BLOC1S6: variants seen among roughly 807,000 people sequenced by gnomAD.
The protein encoded by BLOC1S6 is biogenesis of lysosomal organelles complex 1 subunit 6, also known as biogenesis of lysosome-related organelles complex 1 subunit 6.
A neutral mutation model predicts 24.7 loss-of-function variants in BLOC1S6; 24 were observed. That is an observed-to-expected ratio of 0.97 (90% confidence interval 0.70 to 1.37). BLOC1S6 has a LOEUF of 1.37. BLOC1S6 is among the 40% of genes most tolerant of loss of function. The pLI, the probability that BLOC1S6 is intolerant of heterozygous loss-of-function variation, is 0.00. For synonymous variants in BLOC1S6, 76 were observed against 72.6 expected (o/e 1.05, Z -0.23); for missense variants, 175 against 196.2 (o/e 0.89, Z 0.64).
At chr15:45,605,745 AC>A (rs1894431167) in intron 4 of BLOC1S6, 1 of 430,712 alleles carries the variant, frequency 2.3e-6, no homozygotes, top group Non-Finnish European at 4.3e-6. Context: ...GCCCGCCACC[AC>A]ACCCACCTAA....
intron 1 of BLOC1S6, chr15:45,587,946 T>C: frequency 1.7e-6 from 1 of 589,994 alleles, no homozygotes. Context: ...TTCATCCCTA[T>C]TCCTGCAGCA....
chr15:45,594,170 G>T (rs912272357), intron 2 of BLOC1S6, among the ~76,000 whole-genome samples: 2 of 152,052 alleles, frequency 1.3e-5, no homozygotes, highest in South Asian at 2.1e-4. Context: ...ATAGAAACAG[G>T]TCCACAGAGA....
At chr15:45,591,051 C>T (rs1893864498) in intron 1 of BLOC1S6, among the ~76,000 whole-genome samples, 1 of 152,112 alleles carries the variant, frequency 6.6e-6, no homozygotes, top group Non-Finnish European at 1.5e-5. Flanking sequence ...ACAATGCTTA[C>T]ACTTTTATTA....
At chr15:45,590,108 T>C (rs1316991759) in intron 1 of BLOC1S6, among the ~76,000 whole-genome samples, 2 of 152,156 alleles carry the variant, frequency 1.3e-5, no homozygotes, top group Non-Finnish European at 2.9e-5. Flanking sequence ...AACGGCATAA[T>C]TGGTGGATAT....
In BLOC1S6 at chr15:45,607,772, C is replaced by G. The variant is rs1894530520; in HGVS notation, c.*1258C>G. The G allele has an allele frequency of 6.6e-6, 1 of 151,274 alleles. No homozygotes were observed. Among genetic ancestry groups the G allele is most frequent in the Non-Finnish European group, 1.5e-5 (1 of 67,856 alleles). 9.4% of individuals were successfully genotyped at this position (151,274 alleles called of 1,614,324 possible). ...TTGGTGACAGAGCAAGACTCCGTCT[C>G]CAAAAAAAAGAAAAAAAAATTTCTT... On this transcript the variant is annotated 3_prime_UTR_variant, in exon 5 of 5. Coordinates refer to ENST00000220531, the MANE Select transcript of BLOC1S6 (RefSeq NM_012388.4).
chr15:45,601,180 C>T (rs987576246), intron 2 of BLOC1S6: 1 of 154,318 alleles, frequency 6.5e-6, no homozygotes, highest in African/African-American at 2.4e-5. Flanking sequence ...TGAATGTGGT[C>T]TCTCTTTCAA....
chr15:45,603,330 G>A, intron 3 of BLOC1S6, 143 bp downstream of exon 3: 1 of 594,468 alleles, frequency 1.7e-6, no homozygotes, highest in South Asian at 1.9e-5. Flanking sequence ...GTGTTGAATT[G>A]TTATCTTTCA....
At chr15:45,592,967 T>G (rs1893938259) in intron 2 of BLOC1S6, among the ~76,000 whole-genome samples, 1 of 152,158 alleles carries the variant, frequency 6.6e-6, no homozygotes, top group East Asian at 1.9e-4. Context: ...CTGCTGCTGC[T>G]CTGAGACCTA....
At chr15:45,590,189 CTCTCTA>C (rs1893832247) in intron 1 of BLOC1S6, among the ~76,000 whole-genome samples, 1 of 151,666 alleles carries the variant, frequency 6.6e-6, no homozygotes, top group Non-Finnish European at 1.5e-5. Context: ...CTCTCTCTCT[CTCTCTA>C]TATTTTTTCT....
At position 45,603,082 on chromosome 15, in the gene BLOC1S6, T is replaced by G; in HGVS notation, c.225-18T>G. Reference sequence around the variant, plus strand: ...TTAAATATGTAGAGTTTGTCTTGGCTGTGTGTTTTTGTTTCAGACAGAACC... The same window carrying G: ...TTAAATATGTAGAGTTTGTCTTGGCGGTGTGTTTTTGTTTCAGACAGAACC... On this transcript the variant is annotated intron_variant, in intron 2 of 4. Coordinates refer to ENST00000220531, the MANE Select transcript of BLOC1S6 (RefSeq NM_012388.4). The G allele has an allele frequency of 6.5e-7, 1 of 1,547,656 alleles. No individual in the cohort carries two copies. The highest frequency in any genetic ancestry group is 8.9e-7 in the Non-Finnish European group (1 of 1,120,194).
rs1595561214 is a variant in BLOC1S6, at chr15:45,606,741, T to C, written c.*227T>C. 1.8e-6 allele frequency: 1 copy of C among 543,018 alleles called. No homozygotes were observed. Among genetic ancestry groups the C allele is most frequent in the Non-Finnish European group, 3.2e-6 (1 of 314,880 alleles). 33.6% of individuals were successfully genotyped at this position (543,018 alleles called of 1,614,324 possible). A position where few individuals can be genotyped will look rare whatever the true frequency, so the allele number is the denominator to read the frequency against. ...AAATTTTGCTTAATTTTAAAATTTA[T>C]TATTTTGATCTTGAATTATTTATAA... On this transcript the variant is annotated 3_prime_UTR_variant, in exon 5 of 5. Transcript: ENST00000220531.
Position 45,605,546 on chromosome 15 carries a change from A to C in BLOC1S6, c.399+32A>C, listed in dbSNP as rs779777911. 10 of 1,468,022 alleles carry C rather than the reference A, an allele frequency of 6.8e-6. No individual in the cohort carries two copies. The Middle Eastern group carries it at 8.7e-4, about 127-fold the overall frequency. The allele number at this position is 1,468,022 out of a possible 1,614,324, so 90.9% of individuals were successfully genotyped here. Reference sequence around the variant, plus strand: ...TGAAAATTCTTTCACATTCTTTACAAAAGTAGAGGTTTAATTGTTTTTTGT... The same window carrying C: ...TGAAAATTCTTTCACATTCTTTACACAAGTAGAGGTTTAATTGTTTTTTGT... On this transcript the variant is annotated intron_variant, in intron 4 of 4. Coordinates refer to ENST00000220531, the MANE Select transcript of BLOC1S6 (RefSeq NM_012388.4).
In BLOC1S6 at chr15:45,606,898, G is replaced by A. The variant is rs953136156; in HGVS notation, c.*384G>A. 9.9e-6 allele frequency: 2 copies of A among 201,826 alleles called. No individual in the cohort carries two copies. The highest frequency in any genetic ancestry group is 2.0e-5 in the Non-Finnish European group (2 of 99,758). The allele number at this position is 201,826 out of a possible 1,614,324, so 12.5% of individuals were successfully genotyped here. On this transcript the variant is annotated 3_prime_UTR_variant, in exon 5 of 5. Transcript: ENST00000220531. ...ATTTTATGAAATGACTTGCCTTTCTGGTAATACAATGCTGATTTTTTAGTA... is the reference window on the plus strand; with the variant it reads ...ATTTTATGAAATGACTTGCCTTTCTAGTAATACAATGCTGATTTTTTAGTA...
chr15:45,608,533 T>G lies in BLOC1S6; in HGVS notation c.*2019T>G, dbSNP rs1441870273. 2 of 152,228 alleles carry G rather than the reference T, an allele frequency of 1.3e-5. No homozygotes were observed. Among genetic ancestry groups the G allele is most frequent in the African/African-American group, 4.8e-5 (2 of 41,444 alleles). The allele number at this position is 152,228 out of a possible 1,614,324, so 9.4% of individuals were successfully genotyped here. On this transcript the variant is annotated 3_prime_UTR_variant, in exon 5 of 5. Coordinates refer to ENST00000220531, the MANE Select transcript of BLOC1S6 (RefSeq NM_012388.4). ...TATCTACTGAAGCACATCTGTTTTC[T>G]TTGTTTGTTTTGCTTTGCTTTTTGT... is the stretch of plus-strand genomic sequence containing the variant.
intron 1 of BLOC1S6, 72 bp from the exon 2 acceptor site, chr15:45,592,063 C>T: frequency 6.5e-7 from 1 of 1,544,512 alleles, no homozygotes. Context: ...TCTAATCCCA[C>T]TGCTTCAGTT....
At chr15:45,602,908 CATTT>C (rs1402087327) in intron 2 of BLOC1S6, among the ~76,000 whole-genome samples, 188 bp from the exon 3 acceptor site, 3 of 152,168 alleles carry the variant, frequency 2.0e-5, no homozygotes, top group East Asian at 3.8e-4. Context: ...ATAAAAGACA[CATTT>C]AGTTATCAGA....
intron 2 of BLOC1S6, among the ~76,000 whole-genome samples, chr15:45,595,772 A>G (rs1894050712): frequency 6.6e-6 from 1 of 152,076 alleles, no homozygotes; most frequent in African/African-American, 2.4e-5. Flanking sequence ...CTAGTTTTGC[A>G]TTTTACATTT....
intron 2 of BLOC1S6, chr15:45,597,995 A>C (rs1486212600): frequency 8.5e-6 from 2 of 235,976 alleles, no homozygotes; most frequent in Admixed American, 5.3e-5. Flanking sequence ...CACCATGATC[A>C]AGTAGGCTTC....
intron 2 of BLOC1S6, among the ~76,000 whole-genome samples, 176 bp from the exon 3 acceptor site, chr15:45,602,923 AT>A (rs1355287364): frequency 2.6e-5 from 4 of 152,238 alleles, no homozygotes; most frequent in Non-Finnish European, 5.9e-5. Flanking sequence ...AGTTATCAGA[AT>A]GTGGCTTTAG....
Sources: gnomAD v4.1 joint callset for allele counts (sites outside exome capture counted in the v4.1 genomes callset) on GRCh38, gnomAD v4.1.1 for gene constraint, MANE v1.5 for transcripts, NCBI Gene and HGNC (gene_info 2026-07-23, HGNC 2026-07-21) for gene names.